Variants in ZNF670 observed in about 807,000 individuals in gnomAD.
ZNF670 encodes zinc finger protein 670.
A neutral mutation model predicts 10.9 loss-of-function variants in ZNF670; 7 were observed. The observed-to-expected ratio is 0.64, with a 90% CI of 0.36 to 1.20. The LOEUF is 1.20. ZNF670 is among the 50% of genes most tolerant of loss of function. The probability of loss-of-function intolerance (pLI) is 0.02; values close to 1 mark genes in which losing one functional copy is unlikely to be tolerated. For missense variants in ZNF670, 446 were observed against 458.6 expected, an observed-to-expected ratio of 0.97 and a Z score of 0.25; for synonymous variants, 136 against 152.7, an observed-to-expected ratio of 0.89 and a Z score of 0.81.
intron 1 of ZNF670, among the ~76,000 whole-genome samples, chr1:247,073,833 T>C (rs1283041874): frequency 6.6e-6 from 1 of 152,164 alleles, no homozygotes; most frequent in Non-Finnish European, 1.5e-5. Flanking sequence ...TGCTCATAAG[T>C]CAGAGGTTCC....
chr1:247,041,828 A>G (rs1670318623), intron 1 of ZNF670, among the ~76,000 whole-genome samples: 1 of 152,252 alleles, frequency 6.6e-6, no homozygotes. Context: ...CAAGGAAATC[A>G]CCAATAAACC....
In ZNF670 at chr1:247,036,280, C is replaced by T. The variant is rs1040326133; in HGVS notation, c.*1169G>A. Among the ~76,000 whole-genome samples the T allele has an allele frequency of 6.6e-6, 1 of 152,170 alleles. No individual in the cohort carries two copies. Among genetic ancestry groups the T allele is most frequent in the South Asian group, 2.1e-4 (1 of 4,836 alleles). On this transcript the variant is annotated 3_prime_UTR_variant, in exon 4 of 4. Coordinates refer to ENST00000366503, the MANE Select transcript of ZNF670 (RefSeq NM_033213.5). The stretch of plus-strand genomic sequence containing the variant: ...ATATTTATGAAAAATCCACAATATA[C>T]TTGATGGTGAGACTGAATGCTTTCA...
Position 247,043,333 on chromosome 1 carries a change from A to G in ZNF670, c.4-3796T>C. On this transcript the variant is annotated intron_variant, in intron 1 of 3. Transcript: ENST00000366503. ...GTTAGAAAACTGTCTTCGGTGGTATATTCTGGGATAGTTGAGTATTTGAGC... is the reference window on the plus strand; with the variant it reads ...GTTAGAAAACTGTCTTCGGTGGTATGTTCTGGGATAGTTGAGTATTTGAGC... 8.7e-6 allele frequency: 5 copies of G among 575,430 alleles called. 1 individual carries two copies. Among genetic ancestry groups the G allele is most frequent in the Non-Finnish European group, 1.6e-5 (5 of 305,868 alleles). The allele number at this position is 575,430 out of a possible 1,614,324, so 35.6% of individuals were successfully genotyped here. A position where few individuals can be genotyped will look rare whatever the true frequency, so the allele number is the denominator to read the frequency against.
intron 1 of ZNF670, among the ~76,000 whole-genome samples, chr1:247,054,432 G>C (rs921399521): frequency 2.0e-5 from 3 of 152,230 alleles, no homozygotes; most frequent in African/African-American, 7.2e-5. Flanking sequence ...GAAGAGTAAA[G>C]AGGACTTTGT....
rs1670156018 is a variant in ZNF670 at position 247,036,600 on chromosome 1, T to G, written c.*849A>C. ...TCACTTGAGCCCAGGAATTTGAGGC[T>G]GCAGTGAGCTAAGACTATTATTACC... On this transcript the variant is annotated 3_prime_UTR_variant, in exon 4 of 4. Transcript: ENST00000366503. 6.6e-6 allele frequency among the ~76,000 whole-genome samples: 1 copy of G among 152,186 alleles called. No homozygotes were observed. Among genetic ancestry groups the G allele is most frequent in the African/African-American group, 2.4e-5 (1 of 41,450 alleles).
At chr1:247,071,710 C>A (rs1671119139) in intron 1 of ZNF670, among the ~76,000 whole-genome samples, 1 of 152,020 alleles carries the variant, frequency 6.6e-6, no homozygotes, top group Non-Finnish European at 1.5e-5. Flanking sequence ...AATATGAAAC[C>A]TTTTATACCG....
At chr1:247,052,539 G>GT (rs772292439) in intron 1 of ZNF670, among the ~76,000 whole-genome samples, 16 of 151,410 alleles carry the variant, frequency 1.1e-4, no homozygotes, top group African/African-American at 3.9e-4. Context: ...TAGTTTTTTG[G>GT]GTTTTTTTTT....
At chr1:247,061,383 A>G (rs1048437342) in intron 1 of ZNF670, among the ~76,000 whole-genome samples, 2 of 152,026 alleles carry the variant, frequency 1.3e-5, no homozygotes, top group African/African-American at 4.8e-5. Context: ...GGGTTTCACC[A>G]TCTTGGCCAG....
chr1:247,072,043 G>A lies in ZNF670; in HGVS notation c.3+6551C>T, dbSNP rs188069534. Among the ~76,000 whole-genome samples, 444 of 151,970 alleles carry A rather than the reference G, an allele frequency of 2.9e-3. 2 individuals carry two copies. The highest frequency in any genetic ancestry group is 0.01 in the African/African-American group (420 of 41,480). On this transcript the variant is annotated intron_variant, in intron 1 of 3. Transcript: ENST00000366503. The stretch of plus-strand genomic sequence containing the variant: ...TGGCTAATTTTTTGTATTTTTAGTA[G>A]AGACGGGGTTTCACCGTGTTAGCCA...
At chr1:247,056,777 G>A (rs1287638690) in intron 1 of ZNF670, among the ~76,000 whole-genome samples, 2 of 151,966 alleles carry the variant, frequency 1.3e-5, no homozygotes, top group African/African-American at 4.8e-5. Flanking sequence ...AAATGGTGCT[G>A]GAAAAACTGG....
At chr1:247,042,955 C>A in intron 1 of ZNF670, 1 of 700,972 alleles carries the variant, frequency 1.4e-6, no homozygotes. Flanking sequence ...ACATTACATT[C>A]GATACCAATC....
intron 1 of ZNF670, among the ~76,000 whole-genome samples, chr1:247,051,733 C>T (rs893023266): frequency 7.2e-5 from 11 of 151,844 alleles, no homozygotes; most frequent in African/African-American, 2.7e-4. Flanking sequence ...TACTCTTCTT[C>T]CTGAGGAAGA....
intron 1 of ZNF670, among the ~76,000 whole-genome samples, chr1:247,072,823 T>TGC (rs1671164446): frequency 6.0e-5 from 5 of 83,968 alleles, no homozygotes; most frequent in African/African-American, 2.7e-4. Flanking sequence ...TATATATATA[T>TGC]ATATATATAT....
chr1:247,060,735 T>A (rs1670838673), intron 1 of ZNF670, among the ~76,000 whole-genome samples: 1 of 152,066 alleles, frequency 6.6e-6, no homozygotes, highest in South Asian at 2.1e-4. Flanking sequence ...GCAAAAAAAT[T>A]ACACACAGAA....
At chr1:247,073,815 T>G (rs1410655866) in intron 1 of ZNF670, among the ~76,000 whole-genome samples, 1 of 152,220 alleles carries the variant, frequency 6.6e-6, no homozygotes, top group Non-Finnish European at 1.5e-5. Context: ...TCTATCCTTC[T>G]GACCAATTGC....
rs74163724 is a variant in ZNF670, at chr1:247,068,319, C to CAAAAAAAAAAAAAAAAAAAAAA, written c.3+10274_3+10275insTTTTTTTTTTTTTTTTTTTTTT. On this transcript the variant is annotated intron_variant, in intron 1 of 3. Coordinates refer to ENST00000366503, the MANE Select transcript of ZNF670 (RefSeq NM_033213.5). ...AGGTGACAGAGTAAGATTCTGTCTC[C>CAAAAAAAAAAAAAAAAAAAAAA]AAAAAAAAAAAAAAAAAAGATGGGC... Among the ~76,000 whole-genome samples, 117 of 55,178 alleles carry CAAAAAAAAAAAAAAAAAAAAAA rather than the reference C, an allele frequency of 2.1e-3. 4 individuals carry two copies. Among genetic ancestry groups the CAAAAAAAAAAAAAAAAAAAAAA allele is most frequent in the African/African-American group, 3.8e-3 (37 of 9,708 alleles). 36.2% of individuals were successfully genotyped at this position (55,178 alleles called of 152,430 possible).
intron 1 of ZNF670, among the ~76,000 whole-genome samples, chr1:247,063,957 G>A (rs1386463142): frequency 2.0e-5 from 3 of 152,218 alleles, no homozygotes; most frequent in Non-Finnish European, 4.4e-5. Context: ...ACCCTGCACT[G>A]AAGGGGCACT....
intron 1 of ZNF670, among the ~76,000 whole-genome samples, chr1:247,052,887 G>A (rs1011435785): frequency 6.6e-6 from 1 of 152,188 alleles, no homozygotes; most frequent in African/African-American, 2.4e-5. Flanking sequence ...TGGCTACCAA[G>A]GTGGGTAGAG....
intron 1 of ZNF670, among the ~76,000 whole-genome samples, chr1:247,077,789 T>G (rs1671286416): frequency 6.6e-6 from 1 of 152,154 alleles, no homozygotes; most frequent in African/African-American, 2.4e-5. Context: ...GCCATACACT[T>G]AGAAATGTGG....
Sources: gnomAD v4.1 joint callset for allele counts (sites outside exome capture counted in the v4.1 genomes callset) on GRCh38, gnomAD v4.1.1 for gene constraint, MANE v1.5 for transcripts, NCBI Gene and HGNC (gene_info 2026-07-23, HGNC 2026-07-21) for gene names.